The following FADS2 variants were observed in gnomAD, a reference collection of about 807,000 sequenced individuals.
The protein encoded by FADS2 is fatty acid desaturase 2, also known as acyl-CoA 6-desaturase.
FADS2 carries 18 observed loss-of-function variants against 61.2 expected under a neutral mutation model. The observed-to-expected ratio is 0.29, with a 90% CI of 0.20 to 0.44. The LOEUF is 0.44. Among genes scored for constraint, FADS2 ranks in the 20% least tolerant of loss-of-function variants. The pLI, the probability that FADS2 is intolerant of heterozygous loss-of-function variation, is 1.00. For synonymous variants in FADS2, 203 were observed against 223.9 expected (o/e 0.91, Z 0.83); for missense variants, 322 against 572.7 (o/e 0.56, Z 4.47).
chr11:61,826,348 T>A (rs770991397), upstream of FADS2: 25 of 702,458 alleles, frequency 3.6e-5, no homozygotes, highest in South Asian at 3.5e-4. Flanking sequence ...GGTCCACGCT[T>A]CTCAGCCACC....
At chr11:61,853,286 C>CCCTCCCTCCCTT (rs2067325595) in intron 5 of FADS2, among the ~76,000 whole-genome samples, 1 of 55,694 alleles carries the variant, frequency 1.8e-5, no homozygotes, top group African/African-American at 5.8e-5. Context: ...TTCCCTCCCT[C>CCCTCCCTCCCTT]CCTCCCTTCC....
Position 61,863,074 on chromosome 11 carries a change from C to G in FADS2, c.980+5C>G. 1 of 1,611,340 alleles carries G rather than the reference C, an allele frequency of 6.2e-7. No individual in the cohort carries two copies. The highest frequency in any genetic ancestry group is 1.3e-5 in the African/African-American group (1 of 75,038). ...CCTTTTCCTCAACTTCATCAGGTGC[C>G]TGGGCTTTGCTGATTCATCCCTGGG... On this transcript the variant is annotated splice_donor_5th_base_variant and intron_variant, in intron 8 of 11. Transcript: ENST00000278840.
chr11:61,855,793 C>T (rs1431518407), intron 5 of FADS2: 1 of 152,316 alleles, frequency 6.6e-6, no homozygotes, highest in Admixed American at 6.5e-5. Context: ...AGGCATCATC[C>T]AAGGTCCCTT....
At chr11:61,851,678 C>T (rs960558468) in intron 5 of FADS2, among the ~76,000 whole-genome samples, 1 of 152,206 alleles carries the variant, frequency 6.6e-6, no homozygotes, top group Non-Finnish European at 1.5e-5. Flanking sequence ...CCCAGGGCCT[C>T]AAGCCACCAT....
chr11:61,857,629 C>A, intron 7 of FADS2, 99 bp downstream of exon 7: 1 of 1,083,814 alleles, frequency 9.2e-7, no homozygotes, highest in Non-Finnish European at 1.4e-6. Flanking sequence ...CCCAGTGGAG[C>A]CTGTGGGGCC....
At chr11:61,835,475 C>A (rs1052556799) in intron 1 of FADS2, among the ~76,000 whole-genome samples, 2 of 151,250 alleles carry the variant, frequency 1.3e-5, no homozygotes, top group Non-Finnish European at 2.9e-5. Flanking sequence ...CTCACTGCAA[C>A]CTTCCACCTC....
Position 61,863,363 on chromosome 11 carries a change from C to T in FADS2, c.1062C>T (p.Asp354=). 1 of 1,613,168 alleles carries T rather than the reference C, an allele frequency of 6.2e-7. No homozygotes were observed. The highest frequency in any genetic ancestry group is 2.2e-5 in the East Asian group (1 of 44,884). Reference sequence around the variant, plus strand: ...AGATTGACCAGGAGGCCTACCGTGACTGGTTCAGTAGCCAGGTAGGGAAGT... The same window carrying T: ...AGATTGACCAGGAGGCCTACCGTGATTGGTTCAGTAGCCAGGTAGGGAAGT... ...VMEIDQEAYR[D]WFSSQLTATC... Residue 354 remains aspartate (D), a synonymous_variant, in exon 9 of 12, where the codon GAC becomes GAT. Transcript: ENST00000278840.
Position 61,816,600 on chromosome 11 carries a change from T to C in FADS2, c.141+174T>C. On this transcript the variant is annotated intron_variant, in intron 1 of 11. Coordinates refer to the FADS2 transcript ENST00000257261. The surrounding 1 kb of genome is among the most constrained non-coding windows in gnomAD (Gnocchi z 7.0). ...AGTGGCTGATGACCCGGGAGCCCCCTGGATGCCGGCGGGTGAACTCGCTGA... is the reference window on the plus strand; with the variant it reads ...AGTGGCTGATGACCCGGGAGCCCCCCGGATGCCGGCGGGTGAACTCGCTGA... 3.7e-6 allele frequency: 6 copies of C among 1,610,156 alleles called. No homozygotes were observed. The highest frequency in any genetic ancestry group is 2.2e-5 in the East Asian group (1 of 44,730).
chr11:61,857,590 C>T (rs537102102), intron 7 of FADS2, 60 bp downstream of exon 7: 225 of 1,472,462 alleles, frequency 1.5e-4, no homozygotes, highest in Non-Finnish European at 1.6e-4. Context: ...CAGGGGGACC[C>T]GGGGGTCCTA....
chr11:61,821,964 T>C (rs2067039055), intron 1 of FADS2, among the ~76,000 whole-genome samples: 1 of 151,180 alleles, frequency 6.6e-6, no homozygotes, highest in African/African-American at 2.4e-5. Flanking sequence ...GGGATTTCCT[T>C]AATGCAGTCT....
intron 4 of FADS2, among the ~76,000 whole-genome samples, chr11:61,843,812 C>T (rs1489910069): frequency 2.0e-5 from 3 of 152,112 alleles, no homozygotes; most frequent in Admixed American, 2.0e-4. Context: ...GTGTGCGCCA[C>T]TATGCCCAGC....
intron 1 of FADS2, 128 bp from the exon 2 acceptor site, chr11:61,837,650 A>G (rs2067184933): frequency 6.0e-6 from 4 of 670,018 alleles, no homozygotes; most frequent in Middle Eastern, 2.5e-4. Context: ...TTGGGGCCAG[A>G]TCACAGGAGA....
At chr11:61,843,163 C>T (rs2067230163) in intron 4 of FADS2, among the ~76,000 whole-genome samples, 1 of 152,244 alleles carries the variant, frequency 6.6e-6, no homozygotes, top group Non-Finnish European at 1.5e-5. Context: ...GGCACAGTGG[C>T]TCACGCCTAT....
rs1555078396 is a variant in FADS2, at chr11:61,861,371, A to AAAAAAAAAAAAC, written c.883-1601_883-1600insAAAAAAAAAAAC. Among the ~76,000 whole-genome samples, 35 of 106,522 alleles carry AAAAAAAAAAAAC rather than the reference A, an allele frequency of 3.3e-4. 1 individual carries two copies. The highest frequency in any genetic ancestry group is 6.1e-4 in the Non-Finnish European group (28 of 46,256). 69.9% of individuals were successfully genotyped at this position (106,522 alleles called of 152,430 possible). A position where few individuals can be genotyped will look rare whatever the true frequency, so the allele number is the denominator to read the frequency against. On this transcript the variant is annotated intron_variant, in intron 7 of 11. Transcript: ENST00000278840. ...TCCCTCTCAAAAAAAAAAAAAAAAA[A>AAAAAAAAAAAAC]CAGAAATTAGCTACTCGGGAGGCTG...
At chr11:61,826,682 G>T (rs1347284953), upstream of FADS2, among the ~76,000 whole-genome samples, 2 of 152,176 alleles carry the variant, frequency 1.3e-5, no homozygotes, top group Non-Finnish European at 2.9e-5. Context: ...CTGTCTTTAT[G>T]TCTGCAGTCT....
At position 61,867,286 on chromosome 11, in the gene FADS2, T is replaced by C. The variant is rs1260578782; in HGVS notation, c.*1597T>C. On this transcript the variant is annotated 3_prime_UTR_variant, in exon 12 of 12. Coordinates refer to ENST00000278840, the MANE Select transcript of FADS2 (RefSeq NM_004265.4). ...GCAGAATGAACCCATAGGGAGCTGA[T>C]CGTAATGTTTATCATGTTACTTCCC... 2.0e-5 allele frequency: 3 copies of C among 151,234 alleles called. No homozygotes were observed. The highest frequency in any genetic ancestry group is 4.4e-5 in the Non-Finnish European group (3 of 67,812). 9.4% of individuals were successfully genotyped at this position (151,234 alleles called of 1,614,324 possible).
chr11:61,834,992 C>G (rs1041322093), intron 1 of FADS2, among the ~76,000 whole-genome samples: 3 of 147,866 alleles, frequency 2.0e-5, no homozygotes, highest in South Asian at 4.3e-4. Context: ...CCCCCCCACC[C>G]CAGCCCTCCT....
At chr11:61,835,416 A>G (rs1002729642) in intron 1 of FADS2, among the ~76,000 whole-genome samples, 47 of 142,422 alleles carry the variant, frequency 3.3e-4, no homozygotes, top group African/African-American at 1.1e-3. Context: ...TTTTTTTGAG[A>G]TGGAGTCTCG....
intron 1 of FADS2, among the ~76,000 whole-genome samples, chr11:61,836,414 C>T (rs563539452): frequency 6.7e-5 from 10 of 148,680 alleles, no homozygotes; most frequent in Middle Eastern, 3.9e-3. Flanking sequence ...TTTTTTGAGA[C>T]AGGGTCTCAC....
Sources: allele counts gnomAD v4.1 joint callset (sites outside exome capture counted in the v4.1 genomes callset), GRCh38; gene constraint gnomAD v4.1.1; non-coding constraint Gnocchi (gnomAD v3.1); transcripts MANE v1.5; gene names NCBI Gene and HGNC (gene_info 2026-07-23, HGNC 2026-07-21).